Variants in TFCP2 observed in about 807,000 individuals in gnomAD.
TFCP2 encodes transcription factor CP2.
TFCP2 carries 33 observed loss-of-function variants against 73.4 expected under a neutral mutation model. That is an observed-to-expected ratio of 0.45 (90% CI 0.34 to 0.60). TFCP2 has a LOEUF of 0.60. Ranked by LOEUF, TFCP2 falls within the 20% of genes least tolerant of loss-of-function variation. TFCP2 has a pLI of 0.01. For synonymous variants in TFCP2, 193 were observed against 211.6 expected, an observed-to-expected ratio of 0.91 and a Z score of 0.76; for missense variants, 352 against 604.0, an observed-to-expected ratio of 0.58 and a Z score of 4.37.
At chr12:51,143,817 G>C (rs1023091177) in intron 1 of TFCP2, among the ~76,000 whole-genome samples, 5 of 152,058 alleles carry the variant, frequency 3.3e-5, no homozygotes, top group African/African-American at 1.2e-4. Context: ...AACAGTCCAG[G>C]TAAGAAACAA....
At chr12:51,135,436 C>CACA (rs1555254039) in intron 1 of TFCP2, among the ~76,000 whole-genome samples, 8 of 150,812 alleles carry the variant, frequency 5.3e-5, no homozygotes, top group East Asian at 1.9e-4. Flanking sequence ...CACACACACA[C>CACA]AAAAAAAACA....
At chr12:51,107,751 C>T (rs11169707) in intron 6 of TFCP2, among the ~76,000 whole-genome samples, 65,694 of 151,398 alleles carry the variant, frequency 0.43, 15,977 homozygotes, top group Non-Finnish European at 0.56. Context: ...GGACTACAGG[C>T]GTCCGCCACC....
chr12:51,139,638 A>G (rs1246634765), intron 1 of TFCP2, among the ~76,000 whole-genome samples: 1 of 152,084 alleles, frequency 6.6e-6, no homozygotes, highest in Non-Finnish European at 1.5e-5. Flanking sequence ...TCAGCCTCCT[A>G]AAGTGCTGAC....
intron 1 of TFCP2, among the ~76,000 whole-genome samples, chr12:51,138,648 C>T (rs956061645): frequency 1.3e-5 from 2 of 152,012 alleles, no homozygotes; most frequent in Non-Finnish European, 2.9e-5. Context: ...GACCAAGTTT[C>T]GCTCTGTTGC....
intron 1 of TFCP2, among the ~76,000 whole-genome samples, chr12:51,152,406 A>C (rs562272454): frequency 6.6e-6 from 1 of 152,366 alleles, no homozygotes; most frequent in Non-Finnish European, 1.5e-5. Context: ...CTGAATCAAC[A>C]CATCATATTG....
intron 1 of TFCP2, among the ~76,000 whole-genome samples, chr12:51,163,785 A>T (rs972984921): frequency 2.7e-4 from 41 of 151,790 alleles, no homozygotes; most frequent in African/African-American, 8.0e-4. Context: ...AAACAGAGAT[A>T]AAAAAAAGAA....
chr12:51,159,917 C>T (rs1327642763), intron 1 of TFCP2, among the ~76,000 whole-genome samples: 1 of 152,148 alleles, frequency 6.6e-6, no homozygotes, highest in African/African-American at 2.4e-5. Context: ...TGCTATTGTG[C>T]TAAGCGCTGA....
chr12:51,147,243 T>A (rs1941315786), intron 1 of TFCP2, among the ~76,000 whole-genome samples: 1 of 151,886 alleles, frequency 6.6e-6, no homozygotes, highest in Non-Finnish European at 1.5e-5. Flanking sequence ...CTCGGGAGGC[T>A]GAGGCAGGAG....
intron 1 of TFCP2, among the ~76,000 whole-genome samples, chr12:51,132,301 TAACAACAAGAATGTGGAAGAA>T (rs1940960596): frequency 6.9e-6 from 1 of 144,058 alleles, no homozygotes; most frequent in African/African-American, 2.6e-5. Flanking sequence ...TAACTTGCTT[TAACAACAAGAATGTGGAAGAA>T]TTAGCAGTGT....
chr12:51,096,156 C>A, intron 13 of TFCP2, 116 bp from the exon 14 acceptor site: 2 of 725,434 alleles, frequency 2.8e-6, no homozygotes, highest in Non-Finnish European at 2.3e-6. Flanking sequence ...CTTTACAGGT[C>A]ACAAATAATG....
chr12:51,106,890 C>A, intron 7 of TFCP2: 1 of 491,590 alleles, frequency 2.0e-6, no homozygotes, highest in Non-Finnish European at 3.7e-6. Context: ...AGGCAGCACA[C>A]AGCTCTTCCT....
chr12:51,110,441 C>T (rs1010647625), intron 5 of TFCP2, among the ~76,000 whole-genome samples: 3 of 152,008 alleles, frequency 2.0e-5, no homozygotes, highest in Non-Finnish European at 4.4e-5. Context: ...TGGTGACATG[C>T]GCCTCTAGTC....
intron 1 of TFCP2, among the ~76,000 whole-genome samples, chr12:51,164,890 C>T (rs1357386298): frequency 6.6e-6 from 1 of 152,084 alleles, no homozygotes; most frequent in Non-Finnish European, 1.5e-5. Flanking sequence ...ACAAAAACCT[C>T]CCAACAAAGA....
rs561047836 is a variant in TFCP2, at chr12:51,162,456, A to AAG, written c.122+9844_122+9845insCT. ...GCTAGACTCCATCTCAAAAAAAAAA[A>AAG]AAAAGAAAAGAAAAAGGAAAGAGCC... On this transcript the variant is annotated intron_variant, in intron 1 of 14. Transcript: ENST00000257915. Among the ~76,000 whole-genome samples, 974 of 152,018 alleles carry AAG rather than the reference A, an allele frequency of 6.4e-3. 12 individuals carry two copies. The highest frequency in any genetic ancestry group is 0.022 in the African/African-American group (924 of 41,442).
chr12:51,141,724 A>G (rs1408421386), intron 1 of TFCP2, among the ~76,000 whole-genome samples: 2 of 151,134 alleles, frequency 1.3e-5, no homozygotes, highest in African/African-American at 4.9e-5. Context: ...ACATAGTGAA[A>G]ACTCATCTCT....
In TFCP2 at chr12:51,107,258, T is replaced by C. The variant is rs1940270422; in HGVS notation, c.806A>G (p.Tyr269Cys). 3 of 1,608,374 alleles carry C rather than the reference T, an allele frequency of 1.9e-6. No individual in the cohort carries two copies. Among genetic ancestry groups the C allele is most frequent in the Non-Finnish European group, 2.5e-6 (3 of 1,178,724 alleles). Residue 269 changes from tyrosine (Y) to cysteine (C), a missense_variant, in exon 7 of 15, where the codon TAT becomes TGT. Tyr to Cys is a radical substitution (Grantham distance 194, BLOSUM62 -2). Around this residue, in one of 6 missense-constraint regions of TFCP2, gnomAD observed 47 missense variants for 89.1 expected, o/e 0.53. Coordinates refer to ENST00000257915, the MANE Select transcript of TFCP2 (RefSeq NM_005653.5). ...TACCTCTGTGAGTATGGTTGTCTCA[T>C]AGGAAGGCTGATATTTCTCCTTTTC... ...PHEKEKYQPSYETTILTECSP... is the reference protein window; with the variant it reads ...PHEKEKYQPSCETTILTECSP...
chr12:51,099,912 T>G (rs1713488405), intron 11 of TFCP2, 133 bp from the exon 12 acceptor site: 1 of 1,109,008 alleles, frequency 9.0e-7, no homozygotes, highest in African/African-American at 1.6e-5. Context: ...CAAATGCAAT[T>G]AATTTGCTAT....
chr12:51,165,470 T>C (rs546441988), intron 1 of TFCP2, among the ~76,000 whole-genome samples: 1 of 149,304 alleles, frequency 6.7e-6, no homozygotes, highest in African/African-American at 2.4e-5. Flanking sequence ...TCAGCAAAAG[T>C]TCAAAGACAT....
intron 9 of TFCP2, 112 bp from the exon 10 acceptor site, chr12:51,103,875 A>G: frequency 2.2e-6 from 2 of 896,572 alleles, no homozygotes; most frequent in Non-Finnish European, 3.5e-6. Flanking sequence ...TAGTTTGTGA[A>G]AGTTGTTTTC....
Sources: allele counts gnomAD v4.1 joint callset (sites outside exome capture counted in the v4.1 genomes callset), GRCh38; gene constraint gnomAD v4.1.1; regional missense constraint gnomAD v4.1.1; transcripts MANE v1.5; gene names NCBI Gene and HGNC (gene_info 2026-07-23, HGNC 2026-07-21).